SDK1: variants seen among roughly 807,000 people sequenced by gnomAD.
SDK1 encodes sidekick cell adhesion molecule 1, also known as protein sidekick-1.
In SDK1, 157 loss-of-function variants were observed where a neutral mutation model predicts 245.5. The observed-to-expected ratio is 0.64, with a 90% CI of 0.56 to 0.73. The LOEUF is 0.73. Ranked by LOEUF, SDK1 falls within the 30% of genes least tolerant of loss-of-function variation. The probability of loss-of-function intolerance (pLI) is 0.00; values close to 1 mark genes in which losing one functional copy is unlikely to be tolerated. For missense variants in SDK1, 3,583 were observed against 3,002.3 expected (o/e 1.19, Z -4.52); for synonymous variants, 1,647 against 1,278.5 (o/e 1.29, Z -6.15).
At position 3,495,439 on chromosome 7, in the gene SDK1, A is replaced by G. The variant is rs539706305; in HGVS notation, c.299-123641A>G. On this transcript the variant is annotated intron_variant, in intron 1 of 44. Coordinates refer to ENST00000404826, the MANE Select transcript of SDK1 (RefSeq NM_152744.4). ...ACACTGGAGTAATTTTTGTATTTTT[A>G]GTAGAGATGAAGTTTTGCCATGTTG... is the stretch of plus-strand genomic sequence containing the variant. Among the ~76,000 whole-genome samples the G allele has an allele frequency of 2.6e-5, 4 of 151,492 alleles. No individual in the cohort carries two copies. The South Asian group carries it at 8.4e-4, about 32-fold the overall frequency.
intron 1 of SDK1, among the ~76,000 whole-genome samples, chr7:3,521,768 C>T (rs766900380): frequency 9.2e-5 from 14 of 151,618 alleles, no homozygotes; most frequent in South Asian, 2.1e-4. Context: ...AGCAGAGAGG[C>T]GATATTAATT....
intron 1 of SDK1, among the ~76,000 whole-genome samples, chr7:3,453,556 C>A (rs1033541816): frequency 6.6e-6 from 1 of 152,154 alleles, no homozygotes; most frequent in African/African-American, 2.4e-5. Context: ...ACTGTGACTG[C>A]AGGCAGAGAT....
At position 3,586,678 on chromosome 7, in the gene SDK1, C is replaced by T. The variant is rs1281978341; in HGVS notation, c.299-32402C>T. 2.7e-5 allele frequency among the ~76,000 whole-genome samples: 4 copies of T among 146,728 alleles called. No individual in the cohort carries two copies. The East Asian group carries it at 6.0e-4, about 22-fold the overall frequency. ...TGAGATCGTGCCACTGCACTCCAGC[C>T]TGGGCGACTGAGCAAGACTCCGTCT... On this transcript the variant is annotated intron_variant, in intron 1 of 44. Coordinates refer to ENST00000404826, the MANE Select transcript of SDK1 (RefSeq NM_152744.4).
At chr7:3,722,935 A>G (rs1042061231) in intron 4 of SDK1, among the ~76,000 whole-genome samples, 3 of 152,224 alleles carry the variant, frequency 2.0e-5, no homozygotes, top group Non-Finnish European at 4.4e-5. Context: ...TGGTGTTTGT[A>G]AACTCCTTTC....
intron 1 of SDK1, among the ~76,000 whole-genome samples, chr7:3,538,118 T>C (rs1778941191): frequency 6.6e-6 from 1 of 152,100 alleles, no homozygotes; most frequent in African/African-American, 2.4e-5. Context: ...AGGAATAAAA[T>C]CCAGATTTCT....
chr7:3,775,749 T>C (rs1437256450), intron 4 of SDK1, among the ~76,000 whole-genome samples: 2 of 152,018 alleles, frequency 1.3e-5, no homozygotes, highest in Non-Finnish European at 2.9e-5. Context: ...GCTAATTTTT[T>C]GTATTTTTAG....
At chr7:3,482,124 A>AT (rs1781540494) in intron 1 of SDK1, among the ~76,000 whole-genome samples, 1 of 152,248 alleles carries the variant, frequency 6.6e-6, no homozygotes, top group African/African-American at 2.4e-5. Flanking sequence ...TAGGAATAAA[A>AT]TAGGGTAATA....
intron 4 of SDK1, among the ~76,000 whole-genome samples, chr7:3,679,869 C>T (rs554848126): frequency 5.3e-5 from 8 of 152,300 alleles, no homozygotes; most frequent in African/African-American, 1.7e-4. Flanking sequence ...ACAAAACATA[C>T]GCTTACCATA....
At chr7:3,582,907 G>A (rs1193786953) in intron 1 of SDK1, among the ~76,000 whole-genome samples, 1 of 152,188 alleles carries the variant, frequency 6.6e-6, no homozygotes, top group Non-Finnish European at 1.5e-5. Context: ...CTGAGTGGAA[G>A]AGAAGTGTGT....
intron 2 of SDK1, among the ~76,000 whole-genome samples, chr7:3,635,350 T>A (rs530066181): frequency 6.6e-6 from 1 of 152,246 alleles, no homozygotes; most frequent in Non-Finnish European, 1.5e-5. Flanking sequence ...CATAGTTTGA[T>A]TAATTTTTGT....
intron 1 of SDK1, among the ~76,000 whole-genome samples, chr7:3,314,444 G>T (rs12700788): frequency 0.033 from 5,079 of 152,316 alleles, 112 homozygotes; most frequent in Non-Finnish European, 0.051. Context: ...AATGTGCAGG[G>T]TGAAGCACTG....
chr7:3,784,457 C>CT (rs1179607347), intron 4 of SDK1, among the ~76,000 whole-genome samples: 1 of 151,888 alleles, frequency 6.6e-6, no homozygotes, highest in Non-Finnish European at 1.5e-5. Context: ...AGAAACCATA[C>CT]TTTGGATAAG....
intron 32 of SDK1, among the ~76,000 whole-genome samples, chr7:4,170,778 C>G (rs997638001): frequency 6.6e-6 from 1 of 152,150 alleles, no homozygotes; most frequent in African/African-American, 2.4e-5. Flanking sequence ...GACTGTCTGA[C>G]ATGCCCAGCC....
In SDK1 at chr7:4,267,712, G is replaced by C. The variant is rs774167835; in HGVS notation, c.*2328G>C. 1.8e-4 allele frequency: 174 copies of C among 985,366 alleles called. No individual in the cohort carries two copies. Among genetic ancestry groups the C allele is most frequent in the Non-Finnish European group, 2.0e-4 (170 of 829,972 alleles). The allele number at this position is 985,366 out of a possible 1,614,324, so 61.0% of individuals were successfully genotyped here. A position where few individuals can be genotyped will look rare whatever the true frequency, so the allele number is the denominator to read the frequency against. On this transcript the variant is annotated 3_prime_UTR_variant, in exon 45 of 45. Coordinates refer to ENST00000404826, the MANE Select transcript of SDK1 (RefSeq NM_152744.4). ...ATTCGAGATATGTTTGTTGCTCTCG[G>C]GTTTTCGATACAACATCATGACACT... is the stretch of plus-strand genomic sequence containing the variant.
At chr7:3,902,998 TA>T (rs1033043477) in intron 5 of SDK1, among the ~76,000 whole-genome samples, 7 of 151,764 alleles carry the variant, frequency 4.6e-5, no homozygotes, top group South Asian at 2.1e-4. Context: ...CCAAAGAAGA[TA>T]AAAAAAACGG....
chr7:3,638,898 T>C, intron 2 of SDK1, 106 bp from the exon 3 acceptor site: 1 of 575,846 alleles, frequency 1.7e-6, no homozygotes. Context: ...GTTGAGCATA[T>C]ACTAGATGAG....
intron 4 of SDK1, among the ~76,000 whole-genome samples, chr7:3,788,815 C>T (rs555473332): frequency 2.0e-5 from 3 of 152,298 alleles, no homozygotes; most frequent in South Asian, 4.1e-4. Context: ...AAGCATCATT[C>T]GCCCTTGCCT....
intron 21 of SDK1, among the ~76,000 whole-genome samples, chr7:4,077,844 T>G (rs1780795163): frequency 6.6e-6 from 1 of 152,200 alleles, no homozygotes; most frequent in African/African-American, 2.4e-5. Context: ...GGAGTTACAA[T>G]TCAAGATGAG....
At chr7:3,302,737 T>A (rs1779311569) in intron 1 of SDK1, among the ~76,000 whole-genome samples, 1 of 152,040 alleles carries the variant, frequency 6.6e-6, no homozygotes, top group South Asian at 2.1e-4. Flanking sequence ...TTTTAATACG[T>A]CCTTTGGTAA....
Sources: gnomAD v4.1 joint callset for allele counts (sites outside exome capture counted in the v4.1 genomes callset) on GRCh38, gnomAD v4.1.1 for gene constraint, MANE v1.5 for transcripts, NCBI Gene and HGNC (gene_info 2026-07-23, HGNC 2026-07-21) for gene names.